MUC4: variants seen among roughly 807,000 people sequenced by gnomAD.
The protein encoded by MUC4 is mucin-4.
Under a neutral mutation model 257.9 loss-of-function variants are expected in MUC4, and 202 were observed. The observed-to-expected ratio is 0.78, with a 90% confidence interval of 0.70 to 0.88. The LOEUF (loss-of-function observed/expected upper bound fraction) is 0.88. Among genes scored for constraint, MUC4 ranks in the 40% least tolerant of loss-of-function variants. The pLI is 0.00. For missense variants in MUC4, 5,976 were observed against 6,513.7 expected (o/e 0.92, Z 2.84); for synonymous variants, 2,351 against 2,757.1 (o/e 0.85, Z 4.62).
In MUC4 at chr3:195,754,300, G is replaced by A; in HGVS notation, c.15241C>T (p.Pro5081Ser). The change falls in exon 19 of 25, where the codon CCG (proline) becomes TCG (serine). Residue 5081 changes from proline to serine, a missense_variant. Pro to Ser is a moderately conservative substitution (Grantham distance 74, BLOSUM62 -1). Around this residue, in one of 44 missense-constraint regions of MUC4, gnomAD observed 996 missense variants for 1,137.3 expected, o/e 0.88. Transcript: ENST00000463781. ...CEGSEDACEE[P>S]CFPSVHCVPG... ...ACGCAGTGGACACTCGGGAAGCACG[G>A]CTCCTCACAGGCATCCTCGGAGCCC... 6.2e-7 allele frequency: 1 copy of A among 1,613,712 alleles called. No homozygotes were observed.
intron 3 of MUC4, among the ~76,000 whole-genome samples, chr3:195,775,075 C>A (rs188200501): frequency 1.3e-5 from 2 of 152,006 alleles, no homozygotes; most frequent in Non-Finnish European, 2.9e-5. Context: ...GTTTGAGAAA[C>A]CTTGTCCCAA....
rs760375920 is a variant in MUC4, at chr3:195,781,216, G to C, written c.10364C>G (p.Thr3455Ser). The change falls in exon 2 of 25, where the codon ACC becomes AGC. Residue 3455 changes from threonine to serine, a missense_variant. Around this residue, in one of 44 missense-constraint regions of MUC4, gnomAD observed 297 missense variants for 240.9 expected, o/e 1.23. Coordinates refer to ENST00000463781, the MANE Select transcript of MUC4 (RefSeq NM_018406.7). ...STSSASTGHT[T>S]PLPVTDTSSA... ...GGAAGTGTCGGTGACAGGAAGAGGG[G>C]TGGTGTGACCTGTAGATGCTGAGGA... 27 of 1,409,308 alleles carry C rather than the reference G, an allele frequency of 1.9e-5. 3 individuals are homozygous for C. The highest frequency in any genetic ancestry group is 2.4e-5 in the Non-Finnish European group (25 of 1,054,134). 87.3% of individuals were successfully genotyped at this position (1,409,308 alleles called of 1,614,324 possible).
intron 1 of MUC4, among the ~76,000 whole-genome samples, chr3:195,795,449 C>T (rs1307806497): frequency 3.3e-5 from 5 of 151,996 alleles, no homozygotes; most frequent in Non-Finnish European, 5.9e-5. Context: ...CAAAACCAGC[C>T]AATGCCAGAT....
intron 3 of MUC4, among the ~76,000 whole-genome samples, chr3:195,774,851 G>A (rs1723975254): frequency 6.9e-6 from 1 of 145,654 alleles, no homozygotes; most frequent in Admixed American, 7.0e-5. Context: ...AGTGAGCTGA[G>A]ATCGCGCCAC....
rs113387976 is a variant in MUC4 at position 195,763,287 on chromosome 3, C to T, written c.14253+146G>A. 204 of 850,470 alleles carry T rather than the reference C, an allele frequency of 2.4e-4. No individual in the cohort carries two copies. The African/African-American group carries it at 2.7e-3, about 11-fold the overall frequency. 52.7% of individuals were successfully genotyped at this position (850,470 alleles called of 1,614,324 possible). A position where few individuals can be genotyped will look rare whatever the true frequency, so the allele number is the denominator to read the frequency against. On this transcript the variant is annotated intron_variant, in intron 12 of 24. Coordinates refer to ENST00000463781, the MANE Select transcript of MUC4 (RefSeq NM_018406.7). Reference sequence around the variant, plus strand: ...AATCCACCATCCCCAGGATTTACTCCGGGACAGCTGCGTGGATGGGCTGTG... The same window carrying T: ...AATCCACCATCCCCAGGATTTACTCTGGGACAGCTGCGTGGATGGGCTGTG...
intron 19 of MUC4, 40 bp from the exon 20 acceptor site, chr3:195,753,270 C>G: frequency 6.3e-7 from 1 of 1,598,612 alleles, no homozygotes; most frequent in Admixed American, 1.7e-5. Flanking sequence ...GCGCGCAGGG[C>G]AGCAGAGGGA....
At position 195,751,140 on chromosome 3, in the gene MUC4, G is replaced by A. The variant is rs1716335088; in HGVS notation, c.15648-28C>T. The A allele has an allele frequency of 5.2e-6, 8 of 1,524,942 alleles. No homozygotes were observed. In the South Asian group the frequency reaches 6.0e-5, roughly 11 times the overall value. 94.5% of individuals were successfully genotyped at this position (1,524,942 alleles called of 1,614,324 possible). A position where few individuals can be genotyped will look rare whatever the true frequency, so the allele number is the denominator to read the frequency against. ...GTGTGGGAGGGCAACGGTGAGGGGG[G>A]GTGGGGGGCTGGGGGTGGGGGATGA... On this transcript the variant is annotated intron_variant, in intron 22 of 24. Transcript: ENST00000463781.
chr3:195,791,541 T>G (rs369454441), intron 1 of MUC4, 44 bp from the exon 2 acceptor site: 2 of 1,251,118 alleles, frequency 1.6e-6, no homozygotes, highest in Middle Eastern at 2.2e-4. Flanking sequence ...AAATCATGAA[T>G]GAACTCCTAT....
chr3:195,779,137 G>T lies in MUC4; in HGVS notation c.12443C>A (p.Thr4148Asn). 1 of 1,402,632 alleles carries T rather than the reference G, an allele frequency of 7.1e-7. No homozygotes were observed. Among genetic ancestry groups the T allele is most frequent in the South Asian group, 1.3e-5 (1 of 79,930 alleles). The allele number at this position is 1,402,632 out of a possible 1,614,324, so 86.9% of individuals were successfully genotyped here. The change falls in exon 2 of 25, where the codon ACC becomes AAC. Residue 4148 changes from threonine (T) to asparagine (N), a missense_variant. Thr to Asn is a moderately conservative substitution (Grantham distance 65). Transcript: ENST00000463781. ...ACCTGAGGATGCTGAGGAAGGGATG[G>T]TGACAGGAAGAGGCGTGGTGTCACC... ...STGDTTPLPV[T>N]IPSSASSGHT...
chr3:195,762,675 A>G (rs3107757), intron 13 of MUC4, among the ~76,000 whole-genome samples, 180 bp downstream of exon 13: 187 of 33,902 alleles, frequency 5.5e-3, no homozygotes, highest in African/African-American at 0.013. Flanking sequence ...GCCCTGCACC[A>G]CAACGCACCC....
chr3:195,762,324 C>T lies in MUC4; in HGVS notation c.14345-70G>A, dbSNP rs1303429027. 12 of 1,467,690 alleles carry T rather than the reference C, an allele frequency of 8.2e-6. No homozygotes were observed. The Admixed American group carries it at 1.8e-4, about 22-fold the overall frequency. 90.9% of individuals were successfully genotyped at this position (1,467,690 alleles called of 1,614,324 possible). Reference sequence around the variant, plus strand: ...CGGCCCGCACCAAACCCGCGCCCTGCCGGGCCCGCACCACCCCCACCCCGC... The same window carrying T: ...CGGCCCGCACCAAACCCGCGCCCTGTCGGGCCCGCACCACCCCCACCCCGC... On this transcript the variant is annotated intron_variant, in intron 13 of 24. Coordinates refer to ENST00000463781, the MANE Select transcript of MUC4 (RefSeq NM_018406.7).
At position 195,811,725 on chromosome 3, in the gene MUC4, C is replaced by T; in HGVS notation, c.82+11G>A. The T allele has an allele frequency of 6.2e-7, 1 of 1,613,750 alleles. No homozygotes were observed. The highest frequency in any genetic ancestry group is 8.5e-7 in the Non-Finnish European group (1 of 1,179,814). On this transcript the variant is annotated intron_variant, in intron 1 of 24. Transcript: ENST00000463781. The stretch of plus-strand genomic sequence containing the variant: ...CCGCAGCCAGCCTCATCTGCTGTCT[C>T]CATCACTTACCTGGGACCACATGCG...
At chr3:195,768,376 C>A (rs114502936) in intron 7 of MUC4, among the ~76,000 whole-genome samples, 2 of 152,206 alleles carry the variant, frequency 1.3e-5, no homozygotes, top group African/African-American at 2.4e-5. Context: ...TCGGAGACAG[C>A]CTCCCACACA....
chr3:195,798,948 T>C (rs1295644738), intron 1 of MUC4, among the ~76,000 whole-genome samples: 1 of 151,902 alleles, frequency 6.6e-6, no homozygotes, highest in African/African-American at 2.4e-5. Flanking sequence ...CATAGTAAAA[T>C]CTAGGGTGCT....
chr3:195,757,371 T>A lies in MUC4; in HGVS notation c.14987-43A>T. On this transcript the variant is annotated intron_variant, in intron 17 of 24. Coordinates refer to ENST00000463781, the MANE Select transcript of MUC4 (RefSeq NM_018406.7). The surrounding 1 kb of genome is among the most constrained non-coding windows in gnomAD (Gnocchi z 4.8). ...AGAATGTTGAGAGCTGGGAGACTCC[T>A]CGGCTCTGTGGTCTGATTGCTGATA... The A allele has an allele frequency of 6.5e-7, 1 of 1,538,934 alleles. No homozygotes were observed. Among genetic ancestry groups the A allele is most frequent in the Non-Finnish European group, 8.9e-7 (1 of 1,126,116 alleles).
Position 195,788,742 on chromosome 3 carries a change from C to G in MUC4, c.2838G>C (p.Gly946=). 6.2e-7 allele frequency: 1 copy of G among 1,609,740 alleles called. No homozygotes were observed. Among genetic ancestry groups the G allele is most frequent in the Non-Finnish European group, 8.5e-7 (1 of 1,178,804 alleles). The change falls in exon 2 of 25, where the codon GGG becomes GGC. Residue 946 remains glycine (G), a synonymous_variant. Transcript: ENST00000463781. ...GGGTCTCGGTTTGTGGAGATGTAAGCCCAGTGGATGTGATCGATGGAGGTG... is the reference window on the plus strand; with the variant it reads ...GGGTCTCGGTTTGTGGAGATGTAAGGCCAGTGGATGTGATCGATGGAGGTG... ...PPTPPSITST[G]LTSPQTETHT...
In MUC4 at chr3:195,747,592, C is replaced by CG. The variant is rs1715313207; in HGVS notation, c.16035-213dup. Among the ~76,000 whole-genome samples the CG allele has an allele frequency of 2.0e-5, 3 of 152,282 alleles. 1 individual carries two copies. In the South Asian group the frequency reaches 6.2e-4, roughly 31 times the overall value. Reference sequence around the variant, plus strand: ...TTAAAAACATGGGCCTGGGCCGGCGCGGGGGCTCACGCCTGTAATCCCAGC... The same window carrying CG: ...TTAAAAACATGGGCCTGGGCCGGCGCGGGGGGCTCACGCCTGTAATCCCAGC... On this transcript the variant is annotated intron_variant, in intron 24 of 24. Coordinates refer to ENST00000463781, the MANE Select transcript of MUC4 (RefSeq NM_018406.7).
At chr3:195,798,628 C>T (rs199642514) in intron 1 of MUC4, among the ~76,000 whole-genome samples, 16 of 151,624 alleles carry the variant, frequency 1.1e-4, no homozygotes, top group African/African-American at 3.2e-4. Flanking sequence ...GGCGTGAACC[C>T]GGGAGGCGGA....
chr3:195,791,215 G>T lies in MUC4; in HGVS notation c.365C>A (p.Ser122Ter), dbSNP rs139940712. ...TGTGTTGGTGACACTGGAGGGAAAT[G>T]ATGTGGTCATTTCATCTGGAGGAGC... is the stretch of plus-strand genomic sequence containing the variant. ...ETAPPDEMTT[S>*]FPSSVTNTLM... is the part of the protein sequence containing the mutation. The change falls in exon 2 of 25, where the codon TCA becomes TAA. Residue 122 changes from serine (S) to a stop codon, truncating the protein, a stop_gained. Coordinates refer to ENST00000463781, the MANE Select transcript of MUC4 (RefSeq NM_018406.7). LOFTEE classifies it high-confidence loss of function. The T allele has an allele frequency of 2.6e-5, 40 of 1,514,010 alleles. No individual in the cohort carries two copies. The East Asian group carries it at 8.9e-4, about 34-fold the overall frequency. The allele number at this position is 1,514,010 out of a possible 1,614,324, so 93.8% of individuals were successfully genotyped here.
Sources: gnomAD v4.1 joint callset for allele counts (sites outside exome capture counted in the v4.1 genomes callset) on GRCh38, gnomAD v4.1.1 for gene constraint, gnomAD v4.1.1 regional missense constraint, Gnocchi (gnomAD v3.1) non-coding constraint, MANE v1.5 for transcripts, NCBI Gene and HGNC (gene_info 2026-07-23, HGNC 2026-07-21) for gene names.